Variants in RBFOX3 observed in about 807,000 individuals in gnomAD.
The protein encoded by RBFOX3 is RNA binding protein fox-1 homolog 3.
A neutral mutation model predicts 48.7 loss-of-function variants in RBFOX3; 17 were observed. The ratio of observed to expected loss-of-function variants is 0.35; its 90% confidence interval spans 0.24 to 0.52. The LOEUF (loss-of-function observed/expected upper bound fraction) is 0.52, where lower values mean the gene tolerates loss of function less well. Among genes scored for constraint, RBFOX3 ranks in the 20% least tolerant of loss-of-function variants. The pLI is 0.94. For missense variants in RBFOX3, 382 were observed against 497.5 expected, an observed-to-expected ratio of 0.77 and a Z score of 2.21; for synonymous variants, 212 against 209.5, an observed-to-expected ratio of 1.01 and a Z score of -0.10.
intron 2 of RBFOX3, among the ~76,000 whole-genome samples, chr17:79,310,075 C>G (rs189725706): frequency 2.0e-5 from 3 of 152,120 alleles, no homozygotes; most frequent in Non-Finnish European, 4.4e-5. Flanking sequence ...CCTGGCAAGC[C>G]GCAGGTGCTC....
intron 4 of RBFOX3, among the ~76,000 whole-genome samples, chr17:79,152,401 G>A (rs1396564037): frequency 6.6e-6 from 1 of 152,120 alleles, no homozygotes; most frequent in African/African-American, 2.4e-5. Context: ...GAGAGTCATA[G>A]GAGCAGTGCG....
intron 2 of RBFOX3, among the ~76,000 whole-genome samples, chr17:79,321,095 G>C (rs1015873716): frequency 6.6e-6 from 1 of 152,226 alleles, no homozygotes; most frequent in Non-Finnish European, 1.5e-5. Context: ...AGGCAGCTCA[G>C]TGATTGGATT....
chr17:79,627,062 T>A, the RBFOX3 span, among the ~76,000 whole-genome samples: 1 of 152,198 alleles, frequency 6.6e-6, no homozygotes, highest in South Asian at 2.1e-4. Flanking sequence ...AGGAAAAACC[T>A]GGGGCTCAGA....
chr17:79,192,887 C>T (rs1228476352), intron 4 of RBFOX3, among the ~76,000 whole-genome samples: 2 of 152,226 alleles, frequency 1.3e-5, no homozygotes, highest in African/African-American at 2.4e-5. Context: ...CACACTCTCA[C>T]TGGCTCTGTC....
intron 2 of RBFOX3, among the ~76,000 whole-genome samples, chr17:79,374,579 G>A (rs536550390): frequency 7.2e-5 from 11 of 152,336 alleles, no homozygotes; most frequent in African/African-American, 2.2e-4. Flanking sequence ...GAGAAAATGC[G>A]AGAGCTGGCT....
the RBFOX3 span, among the ~76,000 whole-genome samples, chr17:79,618,508 C>A: frequency 6.6e-6 from 1 of 152,156 alleles, no homozygotes; most frequent in African/African-American, 2.4e-5. Flanking sequence ...GAAGGAGGGC[C>A]GTGCTCAGCT....
intron 2 of RBFOX3, among the ~76,000 whole-genome samples, chr17:79,464,336 G>A (rs1380170012): frequency 2.0e-5 from 3 of 152,262 alleles, no homozygotes; most frequent in South Asian, 4.1e-4. Flanking sequence ...GAGAAGAGGG[G>A]AATGTTTACG....
At chr17:79,504,475 C>T (rs1440473376) in intron 1 of RBFOX3, among the ~76,000 whole-genome samples, 2 of 152,220 alleles carry the variant, frequency 1.3e-5, no homozygotes, top group Non-Finnish European at 2.9e-5. Context: ...ATGTCCAAAG[C>T]CAGTTCCCTA....
At chr17:79,631,929 G>GC in the RBFOX3 span, among the ~76,000 whole-genome samples, 2 of 152,138 alleles carry the variant, frequency 1.3e-5, no homozygotes, top group African/African-American at 4.8e-5. Flanking sequence ...GGTTCTCCCT[G>GC]CCCCCAGAGA....
intron 1 of RBFOX3, among the ~76,000 whole-genome samples, chr17:79,597,220 T>A (rs1366204573): frequency 6.6e-6 from 1 of 152,148 alleles, no homozygotes; most frequent in Non-Finnish European, 1.5e-5. Context: ...GTCTTGCTGC[T>A]AAAATATCCC....
At chr17:79,125,551 A>C (rs115459907) in intron 4 of RBFOX3, among the ~76,000 whole-genome samples, 4,311 of 152,252 alleles carry the variant, frequency 0.028, 202 homozygotes, top group African/African-American at 0.096. Context: ...GCCGGCAGGG[A>C]GCTCAGGGAG....
chr17:79,128,666 G>C (rs2147406611), intron 4 of RBFOX3, among the ~76,000 whole-genome samples: 1 of 152,336 alleles, frequency 6.6e-6, no homozygotes, highest in East Asian at 1.9e-4. Context: ...CCAAAAGCCA[G>C]GTCGTAGCCA....
chr17:79,223,597 C>T (rs2059977044), intron 4 of RBFOX3, among the ~76,000 whole-genome samples: 1 of 152,192 alleles, frequency 6.6e-6, no homozygotes, highest in Non-Finnish European at 1.5e-5. Context: ...ACATTCTGCC[C>T]ACAGCCCTCA....
intron 3 of RBFOX3, among the ~76,000 whole-genome samples, chr17:79,263,854 AG>A (rs1210672911): frequency 3.3e-5 from 5 of 152,296 alleles, no homozygotes; most frequent in African/African-American, 1.2e-4. Context: ...GGATCTTTGC[AG>A]ATATGACTAA....
At chr17:79,538,388 T>C (rs1159646222) in intron 1 of RBFOX3, among the ~76,000 whole-genome samples, 8 of 152,210 alleles carry the variant, frequency 5.3e-5, no homozygotes, top group Admixed American at 2.6e-4. Flanking sequence ...TCTATGCCCC[T>C]TTCCTCCCAC....
At chr17:79,398,346 A>T (rs560449825) in intron 2 of RBFOX3, among the ~76,000 whole-genome samples, 503 of 152,296 alleles carry the variant, frequency 3.3e-3, no homozygotes, top group African/African-American at 0.011. Flanking sequence ...AAAGTGGGAA[A>T]GGGTGAAGGT....
chr17:79,662,132 C>CTTTTTTTTCTTTT, the RBFOX3 span, among the ~76,000 whole-genome samples: 3 of 96,856 alleles, frequency 3.1e-5, no homozygotes, highest in Non-Finnish European at 3.8e-5. Context: ...CCTGTTTATT[C>CTTTTTTTTCTTTT]TTTTTTTTTT....
chr17:79,213,091 A>G (rs1342748899), intron 4 of RBFOX3, among the ~76,000 whole-genome samples: 1 of 152,130 alleles, frequency 6.6e-6, no homozygotes, highest in Non-Finnish European at 1.5e-5. Flanking sequence ...TCCTGACCTC[A>G]AGTGATCTGC....
At chr17:79,656,708 G>GGA in the RBFOX3 span, among the ~76,000 whole-genome samples, 10 of 17,758 alleles carry the variant, frequency 5.6e-4, no homozygotes, top group Admixed American at 2.5e-3. Flanking sequence ...AAGGAAGGAA[G>GGA]GAGAGAGAGA....
Sources: allele counts gnomAD v4.1 joint callset (sites outside exome capture counted in the v4.1 genomes callset), GRCh38; gene constraint gnomAD v4.1.1; transcripts MANE v1.5; gene names NCBI Gene and HGNC (gene_info 2026-07-23, HGNC 2026-07-21).